Variants in DDHD2 observed in about 807,000 individuals in gnomAD.
DDHD2 encodes triacylglycerol hydrolase DDHD2.
In DDHD2, 62 loss-of-function variants were observed where a neutral mutation model predicts 91.2. The observed-to-expected ratio is 0.68, with a 90% CI of 0.55 to 0.84. DDHD2 has a LOEUF of 0.84. Among genes scored for constraint, DDHD2 ranks in the 40% least tolerant of loss-of-function variants. The pLI, the probability that DDHD2 is intolerant of heterozygous loss-of-function variation, is 0.00. For missense variants in DDHD2, 740 were observed against 846.9 expected (o/e 0.87, Z 1.57); for synonymous variants, 271 against 293.9 (o/e 0.92, Z 0.80).
intron 1 of DDHD2, chr8:38,268,652 G>C (rs1808121638): frequency 7.0e-7 from 1 of 1,435,242 alleles, no homozygotes. Flanking sequence ...GGTACCTCAG[G>C]CTGAGGCACA....
At chr8:38,241,900 A>G (rs960404306) in intron 6 of DDHD2, 2 of 187,556 alleles carry the variant, frequency 1.1e-5, no homozygotes, top group East Asian at 3.5e-4. Flanking sequence ...CTAAAAATAC[A>G]AAAATTAGCT....
At chr8:38,236,876 G>C (rs116918409) in intron 3 of DDHD2, among the ~76,000 whole-genome samples, 11,035 of 151,876 alleles carry the variant, frequency 0.073, 587 homozygotes, top group Middle Eastern at 0.11. Context: ...TGTTGGCCAG[G>C]CTGGTCTCGA....
chr8:38,261,014 A>C lies in DDHD2; in HGVS notation c.*441A>C, dbSNP rs1806979573. 1 of 152,168 alleles carries C rather than the reference A, an allele frequency of 6.6e-6. No individual in the cohort carries two copies. Among genetic ancestry groups the C allele is most frequent in the African/African-American group, 2.4e-5 (1 of 41,462 alleles). 9.4% of individuals were successfully genotyped at this position (152,168 alleles called of 1,614,324 possible). A position where few individuals can be genotyped will look rare whatever the true frequency, so the allele number is the denominator to read the frequency against. On this transcript the variant is annotated 3_prime_UTR_variant, in exon 18 of 18. Transcript: ENST00000397166. Reference sequence around the variant, plus strand: ...AACAGATTCTTGAGATTCAGAAGGCATTTTGGAGTACACTTATCTCTTGTT... The same window carrying C: ...AACAGATTCTTGAGATTCAGAAGGCCTTTTGGAGTACACTTATCTCTTGTT...
intron 10 of DDHD2, among the ~76,000 whole-genome samples, chr8:38,249,368 C>G (rs1045105155): frequency 2.6e-5 from 4 of 151,778 alleles, no homozygotes; most frequent in Non-Finnish European, 5.9e-5. Flanking sequence ...TCCCAAAGTG[C>G]TGGGATTACA....
chr8:38,264,168 G>C, downstream of DDHD2: 1 of 990,208 alleles, frequency 1.0e-6, no homozygotes, highest in Non-Finnish European at 1.2e-6. Flanking sequence ...TTTTTTTTGA[G>C]ATGGGGTCTC....
At position 38,234,388 on chromosome 8, in the gene DDHD2, TGAAAG is replaced by T. The variant is rs759522859; in HGVS notation, c.221-1_224del. 42 of 1,556,178 alleles carry T rather than the reference TGAAAG, an allele frequency of 2.7e-5. 1 individual carries two copies. In the African/African-American group the frequency reaches 3.5e-4, roughly 13 times the overall value. ...TACTTCTTTTCCCCTTTTCAATCCT[TGAAAG>T]GAAAAGGTTGTAATGGGAGAGTTGT... is the stretch of plus-strand genomic sequence containing the variant. On this transcript the variant is annotated splice_acceptor_variant and splice_polypyrimidine_tract_variant and intron_variant, in intron 2 of 17. Coordinates refer to ENST00000397166, the MANE Select transcript of DDHD2 (RefSeq NM_015214.3). LOFTEE classifies it high-confidence loss of function.
intron 10 of DDHD2, 119 bp from the exon 11 acceptor site, chr8:38,249,589 T>A: frequency 2.0e-6 from 1 of 494,368 alleles, no homozygotes; most frequent in Middle Eastern, 5.8e-4. Context: ...AGTTATTCTA[T>A]GATGTTTTAC....
rs932523071 is a variant in DDHD2 at position 38,233,123 on chromosome 8, T to C, written c.129T>C (p.His43=). The change falls in exon 2 of 18, where the codon CAT becomes CAC. Residue 43 remains histidine, a synonymous_variant. Transcript: ENST00000397166. Reference sequence around the variant, plus strand: ...GCTTGTATGAACCAGTTTCTCCCCATTGGTTTTATTGTAAGATAATAGATT... The same window carrying C: ...GCTTGTATGAACCAGTTTCTCCCCACTGGTTTTATTGTAAGATAATAGATT... The part of the protein sequence containing the change: ...AGSLYEPVSP[H]WFYCKIIDSK... 4 of 1,613,858 alleles carry C rather than the reference T, an allele frequency of 2.5e-6. No individual in the cohort carries two copies. In the African/African-American group the frequency reaches 4.0e-5, roughly 16 times the overall value.
intron 3 of DDHD2, 106 bp from the exon 4 acceptor site, chr8:38,237,432 T>C: frequency 1.7e-6 from 1 of 573,776 alleles, no homozygotes; most frequent in Non-Finnish European, 3.1e-6. Context: ...TAAATTGGAG[T>C]AGGATATTCT....
chr8:38,267,835 C>T (rs1807898957), downstream of DDHD2: 4 of 1,488,366 alleles, frequency 2.7e-6, no homozygotes, highest in African/African-American at 2.8e-5. Context: ...CACCATTAAC[C>T]TCTCTGTTCT....
intron 7 of DDHD2, among the ~76,000 whole-genome samples, chr8:38,244,658 T>C (rs1805488461): frequency 6.6e-6 from 1 of 152,106 alleles, no homozygotes; most frequent in African/African-American, 2.4e-5. Context: ...TTCCGCCTCC[T>C]GGGTTCATGT....
chr8:38,258,664 C>A (rs561003160), intron 16 of DDHD2, among the ~76,000 whole-genome samples: 2 of 152,242 alleles, frequency 1.3e-5, no homozygotes, highest in South Asian at 4.1e-4. Context: ...CTTGTTGATA[C>A]AGGAATTTCT....
At chr8:38,259,968 T>G in intron 16 of DDHD2, 72 bp from the exon 17 acceptor site, 179 of 961,752 alleles carry the variant, frequency 1.9e-4, no homozygotes, top group Non-Finnish European at 2.5e-4. Flanking sequence ...ATGGATTAAA[T>G]GAGATAATAT....
chr8:38,266,244 T>C (rs1484384199), downstream of DDHD2: 1 of 1,613,846 alleles, frequency 6.2e-7, no homozygotes, highest in Admixed American at 1.7e-5. Context: ...TCCCACGGCC[T>C]TGTGGTGTGA....
intron 1 of DDHD2, chr8:38,269,002 C>A: frequency 6.4e-7 from 1 of 1,570,954 alleles, no homozygotes; most frequent in Non-Finnish European, 8.6e-7. Context: ...TAGAGGGGAA[C>A]AAAGAAGCGC....
intron 14 of DDHD2, 46 bp downstream of exon 14, chr8:38,252,870 T>G: frequency 6.2e-7 from 1 of 1,606,928 alleles, no homozygotes; most frequent in African/African-American, 1.3e-5. Context: ...TTTTGGCCAG[T>G]GCAAAGGGCA....
Position 38,233,037 on chromosome 8 carries a change from G to A in DDHD2, c.43G>A (p.Asp15Asn). The A allele has an allele frequency of 3.1e-6, 5 of 1,614,186 alleles. No homozygotes were observed. The highest frequency in any genetic ancestry group is 4.2e-6 in the Non-Finnish European group (5 of 1,180,040). ...QSQQEQLSQS[D>N]PSPSPNSCSS... ...ACAACAGGAGCAGTTGTCCCAGTCA[G>A]ATCCATCTCCGTCACCAAACTCATG... is the stretch of plus-strand genomic sequence containing the variant. Residue 15 changes from aspartate to asparagine, a missense_variant, in exon 2 of 18, where the codon GAT becomes AAT. Asp to Asn is a conservative substitution (Grantham distance 23). Around this residue, in one of 2 missense-constraint regions of DDHD2, gnomAD observed 693 missense variants for 764.2 expected, o/e 0.91. Coordinates refer to ENST00000397166, the MANE Select transcript of DDHD2 (RefSeq NM_015214.3).
At chr8:38,244,046 G>A (rs899477451) in intron 7 of DDHD2, among the ~76,000 whole-genome samples, 3 of 151,494 alleles carry the variant, frequency 2.0e-5, no homozygotes, top group Middle Eastern at 3.4e-3. Flanking sequence ...CAGGTGATCC[G>A]CCCGTCTTGG....
chr8:38,265,919 C>G (rs1010238011), downstream of DDHD2, among the ~76,000 whole-genome samples: 2 of 152,136 alleles, frequency 1.3e-5, no homozygotes, highest in Admixed American at 1.3e-4. Flanking sequence ...CTTGAACTTA[C>G]AATGCTTCAA....
Sources: allele counts gnomAD v4.1 joint callset (sites outside exome capture counted in the v4.1 genomes callset), GRCh38; gene constraint gnomAD v4.1.1; regional missense constraint gnomAD v4.1.1; transcripts MANE v1.5; gene names NCBI Gene and HGNC (gene_info 2026-07-23, HGNC 2026-07-21).